The following NRXN3 variants were observed in gnomAD, a reference collection of about 807,000 sequenced individuals.
NRXN3 encodes the protein neurexin 3.
A neutral mutation model predicts 137.6 loss-of-function variants in NRXN3; 32 were observed. The ratio of observed to expected loss-of-function variants is 0.23; its 90% CI spans 0.18 to 0.31. The LOEUF (loss-of-function observed/expected upper bound fraction) is 0.31, where lower values mean the gene tolerates loss of function less well. Among genes scored for constraint, NRXN3 ranks in the 10% least tolerant of loss-of-function variants. The pLI is 1.00. For synonymous variants in NRXN3, 798 were observed against 784.5 expected, an observed-to-expected ratio of 1.02 and a Z score of -0.29; for missense variants, 1,574 against 2,062.5, an observed-to-expected ratio of 0.76 and a Z score of 4.59.
intron 20 of NRXN3, among the ~76,000 whole-genome samples, chr14:79,813,827 A>C (rs1335848031): frequency 6.6e-6 from 1 of 152,228 alleles, no homozygotes; most frequent in Non-Finnish European, 1.5e-5. Flanking sequence ...TGAAAAGATA[A>C]GAGTCAGAAA....
intron 16 of NRXN3, among the ~76,000 whole-genome samples, chr14:79,537,853 T>A (rs905038284): frequency 2.0e-5 from 3 of 152,236 alleles, no homozygotes; most frequent in Non-Finnish European, 2.9e-5. Context: ...TCAAGATCCC[T>A]GAGGAATCGC....
intron 19 of NRXN3, among the ~76,000 whole-genome samples, chr14:79,735,387 G>A (rs188566013): frequency 6.6e-6 from 1 of 152,062 alleles, no homozygotes; most frequent in Non-Finnish European, 1.5e-5. Context: ...AAATATTTTG[G>A]AAGCAAGTCA....
At chr14:79,246,222 C>T (rs1427736062) in intron 15 of NRXN3, among the ~76,000 whole-genome samples, 10 of 152,188 alleles carry the variant, frequency 6.6e-5, no homozygotes, top group Admixed American at 3.3e-4. Context: ...TACTTCCATT[C>T]CTTGTTAGGC....
rs34856071 is a variant in NRXN3 at position 78,473,401 on chromosome 14, C to CAA, written c.758-171703_758-171702dup. On this transcript the variant is annotated intron_variant, in intron 4 of 20. Transcript: ENST00000335750. ...TGGGCAACAGAGCGAGACTCTGTCT[C>CAA]AAAAAAAAAAAAAAAAATGAAAAAC... is the stretch of plus-strand genomic sequence containing the variant. 2.5e-3 allele frequency among the ~76,000 whole-genome samples: 296 copies of CAA among 117,620 alleles called. 7 individuals are homozygous for CAA. In the East Asian group the frequency reaches 0.044, roughly 18 times the overall value. 77.2% of individuals were successfully genotyped at this position (117,620 alleles called of 152,430 possible). A position where few individuals can be genotyped will look rare whatever the true frequency, so the allele number is the denominator to read the frequency against.
intron 8 of NRXN3, among the ~76,000 whole-genome samples, chr14:78,802,841 T>G (rs893899791): frequency 1.3e-5 from 2 of 151,980 alleles, no homozygotes; most frequent in Admixed American, 1.3e-4. Context: ...AGCTGCTCGG[T>G]AGGCTGAGGC....
intron 16 of NRXN3, among the ~76,000 whole-genome samples, chr14:79,635,295 A>G (rs982770761): frequency 2.0e-5 from 3 of 152,182 alleles, no homozygotes; most frequent in Non-Finnish European, 2.9e-5. Context: ...GCTGAATCAG[A>G]TCATTTTATG....
At chr14:78,527,989 C>G (rs2096405005) in intron 4 of NRXN3, among the ~76,000 whole-genome samples, 1 of 152,236 alleles carries the variant, frequency 6.6e-6, no homozygotes, top group African/African-American at 2.4e-5. Flanking sequence ...AAGCAGACAA[C>G]TGTCTGCTGC....
At chr14:78,759,637 C>G (rs1044027700) in intron 8 of NRXN3, among the ~76,000 whole-genome samples, 1 of 152,148 alleles carries the variant, frequency 6.6e-6, no homozygotes, top group Non-Finnish European at 1.5e-5. Context: ...CTCTAAGCAG[C>G]CATGATTTCT....
chr14:79,217,453 C>T (rs1172062820), intron 15 of NRXN3, among the ~76,000 whole-genome samples: 5 of 152,160 alleles, frequency 3.3e-5, no homozygotes, highest in Non-Finnish European at 7.3e-5. Context: ...CACCAGGCCC[C>T]ATCTCCAACA....
chr14:78,634,607 A>G (rs760122645), intron 4 of NRXN3, among the ~76,000 whole-genome samples: 2 of 152,228 alleles, frequency 1.3e-5, no homozygotes, highest in African/African-American at 2.4e-5. Context: ...TGCTTTACCC[A>G]TCACTCAGAT....
At chr14:79,727,624 G>A (rs578115385) in intron 19 of NRXN3, among the ~76,000 whole-genome samples, 1 of 152,106 alleles carries the variant, frequency 6.6e-6, no homozygotes, top group South Asian at 2.1e-4. Flanking sequence ...AAATTGGCCA[G>A]CCTAAACTTT....
chr14:79,070,029 T>C (rs1009503455), intron 15 of NRXN3, among the ~76,000 whole-genome samples: 3 of 152,314 alleles, frequency 2.0e-5, no homozygotes, highest in East Asian at 3.9e-4. Context: ...TTCTTTGTTA[T>C]AGACTTTGAG....
Position 78,510,204 on chromosome 14 carries a change from A to AT in NRXN3, c.758-134909dup, listed in dbSNP as rs528109535. Among the ~76,000 whole-genome samples the AT allele has an allele frequency of 3.2e-4, 49 of 151,872 alleles. No individual in the cohort carries two copies. In the South Asian group the frequency reaches 7.1e-3, roughly 22 times the overall value. On this transcript the variant is annotated intron_variant, in intron 4 of 20. Transcript: ENST00000335750. ...CATCTGTAAAATAGAAATAACAGTA[A>AT]TTTTTTTATCATGAATTTACTATAA... is the stretch of plus-strand genomic sequence containing the variant.
chr14:79,490,056 A>T (rs2096700706), intron 16 of NRXN3, among the ~76,000 whole-genome samples: 1 of 151,764 alleles, frequency 6.6e-6, no homozygotes, highest in Non-Finnish European at 1.5e-5. Flanking sequence ...AAAAAAAAAA[A>T]AAAATCTGGT....
At chr14:79,364,048 T>C (rs2093784044) in intron 15 of NRXN3, among the ~76,000 whole-genome samples, 1 of 152,174 alleles carries the variant, frequency 6.6e-6, no homozygotes, top group Non-Finnish European at 1.5e-5. Context: ...GTGATGGATG[T>C]CTCTGTGTTT....
At chr14:78,651,927 A>G (rs2152631492) in intron 6 of NRXN3, among the ~76,000 whole-genome samples, 1 of 152,270 alleles carries the variant, frequency 6.6e-6, no homozygotes, top group African/African-American at 2.4e-5. Flanking sequence ...CTGTAGTTCT[A>G]TTTCCTCATC....
intron 15 of NRXN3, among the ~76,000 whole-genome samples, chr14:79,023,579 G>GA (rs2099593340): frequency 1.3e-5 from 2 of 152,054 alleles, no homozygotes; most frequent in Admixed American, 1.3e-4. Context: ...ACTTTAAAAA[G>GA]AAAAGAGGTT....
intron 1 of NRXN3, among the ~76,000 whole-genome samples, chr14:78,239,467 A>G (rs2066790889): frequency 6.6e-6 from 1 of 152,166 alleles, no homozygotes; most frequent in South Asian, 2.1e-4. Context: ...CTCACCTCAT[A>G]CAAGGAATCA....
chr14:78,592,237 G>T (rs1316991003), intron 4 of NRXN3, among the ~76,000 whole-genome samples: 1 of 152,150 alleles, frequency 6.6e-6, no homozygotes, highest in African/African-American at 2.4e-5. Flanking sequence ...ATGATGGCAA[G>T]TGATTTCTTT....
Sources: allele counts gnomAD v4.1 joint callset (sites outside exome capture counted in the v4.1 genomes callset), GRCh38; gene constraint gnomAD v4.1.1; transcripts MANE v1.5; gene names NCBI Gene and HGNC (gene_info 2026-07-23, HGNC 2026-07-21).